The following ALG12 variants were observed in gnomAD, a reference collection of about 807,000 sequenced individuals.
ALG12 encodes the protein ALG12 alpha-1,6-mannosyltransferase, also known as dol-P-Man:Man(7)GlcNAc(2)-PP-Dol alpha-1,6-mannosyltransferase.
In ALG12, 36 loss-of-function variants were observed where a neutral mutation model predicts 46.0. The ratio of observed to expected loss-of-function variants is 0.78; its 90% CI spans 0.60 to 1.03. The LOEUF (loss-of-function observed/expected upper bound fraction) is 1.03. ALG12 is among the 50% of genes least tolerant of loss of function. ALG12 has a pLI of 0.00. For missense variants in ALG12, 599 were observed against 633.5 expected, an observed-to-expected ratio of 0.95 and a Z score of 0.58; for synonymous variants, 326 against 291.6, an observed-to-expected ratio of 1.12 and a Z score of -1.20.
intron 9 of ALG12, 47 bp downstream of exon 9, chr22:49,904,132 G>A: frequency 6.2e-7 from 1 of 1,614,138 alleles, no homozygotes. Context: ...GCCCCCAAGG[G>A]GCCCTCACAT....
the ALG12 span, among the ~76,000 whole-genome samples, chr22:49,863,730 T>C: frequency 3.1e-3 from 474 of 152,306 alleles, 3 homozygotes; most frequent in African/African-American, 0.011. Context: ...TCTGGTGTTA[T>C]AGTTCATGGA....
At chr22:49,863,394 C>T in the ALG12 span, among the ~76,000 whole-genome samples, 3 of 152,066 alleles carry the variant, frequency 2.0e-5, no homozygotes, top group Admixed American at 6.5e-5. Context: ...TTTGGGAGGC[C>T]GAGGCAGGCG....
chr22:49,886,359 C>T, the ALG12 span: 15 of 1,610,186 alleles, frequency 9.3e-6, no homozygotes, highest in Middle Eastern at 1.7e-4. The surrounding 1 kb of genome is among the most constrained non-coding windows in gnomAD (Gnocchi z 7.7). Context: ...TCCACATGCT[C>T]GAGCGGCTCA....
At chr22:49,908,265 C>A (rs1247068717) in intron 6 of ALG12, among the ~76,000 whole-genome samples, 1 of 152,164 alleles carries the variant, frequency 6.6e-6, no homozygotes, top group Non-Finnish European at 1.5e-5. Context: ...CGCAGTGGCT[C>A]ATGTCTGTAA....
At chr22:49,884,653 A>G in the ALG12 span, 4 of 1,612,254 alleles carry the variant, frequency 2.5e-6, no homozygotes, top group Non-Finnish European at 2.5e-6. Flanking sequence ...CATCAGGCAC[A>G]TGTGGAGGGC....
At chr22:49,910,296 T>C in intron 4 of ALG12, 138 bp downstream of exon 4, 1 of 1,311,782 alleles carries the variant, frequency 7.6e-7, no homozygotes, top group South Asian at 1.3e-5. Flanking sequence ...GAGCCTGGTT[T>C]CAGGTCACAG....
chr22:49,874,170 A>G, the ALG12 span, among the ~76,000 whole-genome samples: 1 of 152,188 alleles, frequency 6.6e-6, no homozygotes, highest in Non-Finnish European at 1.5e-5. Flanking sequence ...AGTGCTGTAT[A>G]GAATATGCCG....
the ALG12 span, among the ~76,000 whole-genome samples, chr22:49,880,201 T>C: frequency 7.2e-5 from 11 of 152,218 alleles, no homozygotes; most frequent in South Asian, 4.2e-4. Context: ...AAGCCCACTG[T>C]TCAGTCCGGA....
chr22:49,869,465 C>T, the ALG12 span, among the ~76,000 whole-genome samples: 3 of 152,300 alleles, frequency 2.0e-5, no homozygotes, highest in South Asian at 2.1e-4. Flanking sequence ...CTTAGAGACA[C>T]GTTCTGTGTT....
rs200452706 is a variant in ALG12 at position 49,913,588 on chromosome 22, A to C, written c.162+16T>G. On this transcript the variant is annotated intron_variant, in intron 2 of 9. Coordinates refer to ENST00000330817, the MANE Select transcript of ALG12 (RefSeq NM_024105.4). ...GTAACATGAGGTTTTCCCCAAAGACAGCAGGGGCCCCTCACCTGCTCCAGG... is the reference window on the plus strand; with the variant it reads ...GTAACATGAGGTTTTCCCCAAAGACCGCAGGGGCCCCTCACCTGCTCCAGG... The C allele has an allele frequency of 6.8e-6, 11 of 1,614,060 alleles. No homozygotes were observed. In the Admixed American group the frequency reaches 1.7e-4, roughly 24 times the overall value.
chr22:49,917,753 C>T (rs1413885385), intron 1 of ALG12, among the ~76,000 whole-genome samples: 9 of 150,892 alleles, frequency 6.0e-5, no homozygotes, highest in Admixed American at 5.9e-4. Flanking sequence ...CTTCCTTCCA[C>T]AGGCAGGAGT....
the ALG12 span, among the ~76,000 whole-genome samples, chr22:49,883,005 T>G: frequency 6.6e-6 from 1 of 152,354 alleles, no homozygotes; most frequent in East Asian, 1.9e-4. Context: ...CAGCTGTGAG[T>G]ACCTCTCATG....
intron 1 of ALG12, among the ~76,000 whole-genome samples, chr22:49,915,572 G>C (rs962236293): frequency 7.9e-5 from 12 of 151,990 alleles, no homozygotes; most frequent in Non-Finnish European, 1.6e-4. Flanking sequence ...TAAATAAATA[G>C]ATAATAAAAA....
chr22:49,882,898 C>T, the ALG12 span, among the ~76,000 whole-genome samples: 2 of 152,192 alleles, frequency 1.3e-5, no homozygotes. Context: ...TGATTTCACA[C>T]GTTAGCTAGA....
chr22:49,909,162 C>G, intron 6 of ALG12, 82 bp downstream of exon 6: 1 of 1,387,688 alleles, frequency 7.2e-7, no homozygotes, highest in Non-Finnish European at 1.0e-6. Context: ...GGAGAAGCAG[C>G]TGCTTCCACT....
chr22:49,905,970 C>G lies in ALG12; in HGVS notation c.993-1464G>C, dbSNP rs1259396052. Reference sequence around the variant, plus strand: ...GCTCGCAATCAGAAACCTTCCACCCCCAGGACTGTCTCAAGGCCCTGGGCC... The same window carrying G: ...GCTCGCAATCAGAAACCTTCCACCCGCAGGACTGTCTCAAGGCCCTGGGCC... On this transcript the variant is annotated intron_variant, in intron 7 of 9. Coordinates refer to ENST00000330817, the MANE Select transcript of ALG12 (RefSeq NM_024105.4). The surrounding 1 kb of genome is among the most constrained non-coding windows in gnomAD (Gnocchi z 4.9). Among the ~76,000 whole-genome samples, 5 of 152,154 alleles carry G rather than the reference C, an allele frequency of 3.3e-5. No homozygotes were observed. Among genetic ancestry groups the G allele is most frequent in the African/African-American group, 1.2e-4 (5 of 41,442 alleles).
At position 49,902,288 on chromosome 22, in the gene ALG12, AGT is replaced by A. The variant is rs558716562; in HGVS notation, c.*1548_*1549del. ...GTGTGCATGTGTGCACTGTATGCAT[AGT>A]GTGCACGTGTGCACTGTGTGTGGAT... On this transcript the variant is annotated 3_prime_UTR_variant, in exon 10 of 10. Coordinates refer to ENST00000330817, the MANE Select transcript of ALG12 (RefSeq NM_024105.4). The A allele has an allele frequency of 2.3e-3, 280 of 123,498 alleles. 14 individuals are homozygous for A. The highest frequency in any genetic ancestry group is 9.5e-3 in the African/African-American group (265 of 27,762). The allele number at this position is 123,498 out of a possible 1,614,324, so 7.7% of individuals were successfully genotyped here. A position where few individuals can be genotyped will look rare whatever the true frequency, so the allele number is the denominator to read the frequency against.
At chr22:49,895,030 G>C in the ALG12 span, among the ~76,000 whole-genome samples, 1 of 152,194 alleles carries the variant, frequency 6.6e-6, no homozygotes, top group East Asian at 1.9e-4. Context: ...CATTGCCGCT[G>C]GGGGCAGACA....
intron 3 of ALG12, among the ~76,000 whole-genome samples, chr22:49,912,069 T>TGGCCCCGGGATAACCCTC (rs1569177372): frequency 1.7e-4 from 15 of 88,808 alleles, no homozygotes; most frequent in Admixed American, 1.4e-3. Context: ...GGGATCAGCC[T>TGGCCCCGGGATAACCCTC]GGCCCCGGGA....
Sources: gnomAD v4.1 joint callset for allele counts (sites outside exome capture counted in the v4.1 genomes callset) on GRCh38, gnomAD v4.1.1 for gene constraint, Gnocchi (gnomAD v3.1) non-coding constraint, MANE v1.5 for transcripts, NCBI Gene and HGNC (gene_info 2026-07-23, HGNC 2026-07-21) for gene names.